The following SVOPL variants were observed in gnomAD, a reference collection of about 807,000 sequenced individuals.
SVOPL encodes putative transporter SVOPL.
A neutral mutation model predicts 61.0 loss-of-function variants in SVOPL; 60 were observed. That is an observed-to-expected ratio of 0.98 (90% CI 0.80 to 1.22). The LOEUF is 1.22. SVOPL is among the 50% of genes most tolerant of loss of function. The pLI, the probability that SVOPL is intolerant of heterozygous loss-of-function variation, is 0.00. For synonymous variants in SVOPL, 279 were observed against 250.0 expected, an observed-to-expected ratio of 1.12 and a Z score of -1.09; for missense variants, 662 against 643.9, an observed-to-expected ratio of 1.03 and a Z score of -0.30.
At chr7:138,596,984 CAG>C in intron 14 of SVOPL, 1 of 1,134,150 alleles carries the variant, frequency 8.8e-7, no homozygotes, top group Non-Finnish European at 1.1e-6. Flanking sequence ...GGTGTTATCT[CAG>C]AGTCTCTGAA....
chr7:138,662,620 T>A (rs1261891373), intron 5 of SVOPL: 6 of 990,096 alleles, frequency 6.1e-6, no homozygotes, highest in South Asian at 4.6e-5. Context: ...TATTAACTCA[T>A]TAGAAGCGAA....
intron 12 of SVOPL, among the ~76,000 whole-genome samples, chr7:138,626,358 G>C (rs534578717): frequency 6.6e-6 from 1 of 152,082 alleles, no homozygotes; most frequent in Non-Finnish European, 1.5e-5. Context: ...CAGCTAGATC[G>C]CTTGAGGCCA....
intron 1 of SVOPL, among the ~76,000 whole-genome samples, chr7:138,686,756 G>T (rs112649790): frequency 0.036 from 5,424 of 151,968 alleles, 105 homozygotes; most frequent in Middle Eastern, 0.082. Flanking sequence ...TAGAGACGGG[G>T]TTTCTCTGTG....
intron 9 of SVOPL, among the ~76,000 whole-genome samples, chr7:138,633,037 C>G (rs901146943): frequency 6.6e-6 from 1 of 152,088 alleles, no homozygotes; most frequent in African/African-American, 2.4e-5. Context: ...ATCATAGTTG[C>G]CTAGCAACTA....
chr7:138,684,590 C>T (rs949321412), intron 1 of SVOPL, among the ~76,000 whole-genome samples: 2 of 152,044 alleles, frequency 1.3e-5, no homozygotes, highest in African/African-American at 2.4e-5. Flanking sequence ...GTTAGGACGG[C>T]GATTATCAAA....
chr7:138,603,997 C>T lies in SVOPL; in HGVS notation c.1354-7467G>A, dbSNP rs1309740614. ...TTTTTTTCATTGAGACAGCGTCTCACTCTGTTGCCCAAGCTGAGTGCAGTG... is the reference window on the plus strand; with the variant it reads ...TTTTTTTCATTGAGACAGCGTCTCATTCTGTTGCCCAAGCTGAGTGCAGTG... On this transcript the variant is annotated intron_variant, in intron 14 of 15. Coordinates refer to ENST00000674285, the MANE Select transcript of SVOPL (RefSeq NM_001139456.2). Among the ~76,000 whole-genome samples the T allele has an allele frequency of 3.7e-5, 5 of 136,402 alleles. No homozygotes were observed. The Admixed American group carries it at 3.9e-4, about 11-fold the overall frequency. The allele number at this position is 136,402 out of a possible 152,430, so 89.5% of individuals were successfully genotyped here.
chr7:138,649,870 C>T (rs112562847), intron 7 of SVOPL, among the ~76,000 whole-genome samples: 1 of 152,112 alleles, frequency 6.6e-6, no homozygotes, highest in Non-Finnish European at 1.5e-5. Context: ...CTTGCTCTGT[C>T]GCCCAGACTG....
chr7:138,672,166 A>C (rs1338274188), intron 3 of SVOPL, 49 bp from the exon 4 acceptor site: 1 of 1,506,020 alleles, frequency 6.6e-7, no homozygotes, highest in Non-Finnish European at 9.0e-7. Context: ...GCTTGTCATC[A>C]CTTCTTCTCA....
intron 14 of SVOPL, among the ~76,000 whole-genome samples, chr7:138,606,716 G>C (rs1262315164): frequency 6.6e-6 from 1 of 152,150 alleles, no homozygotes; most frequent in Admixed American, 6.5e-5. Flanking sequence ...CACTTTGGGA[G>C]GCGGAGGCAG....
At chr7:138,605,087 C>A (rs1301554737) in intron 14 of SVOPL, among the ~76,000 whole-genome samples, 1 of 150,590 alleles carries the variant, frequency 6.6e-6, no homozygotes, top group African/African-American at 2.4e-5. Context: ...AAAATAATCG[C>A]TAATGTAGAG....
chr7:138,694,029 G>A (rs932952715), intron 1 of SVOPL, among the ~76,000 whole-genome samples: 2 of 152,116 alleles, frequency 1.3e-5, no homozygotes, highest in African/African-American at 4.8e-5. Context: ...TGTCAGATTT[G>A]CAAGAATTTA....
Position 138,627,376 on chromosome 7 carries a change from G to C in SVOPL, c.1155C>G (p.Phe385Leu). ...TTGAAGTGCAAATGTTGAGGAGAAG[G>C]AAGAATAAAGCCGTGCATCCCATGG... is the stretch of plus-strand genomic sequence containing the variant. ...SITMGCTALF[F>L]LLLNICTSSA... The change falls in exon 12 of 16, where the codon TTC (phenylalanine) becomes TTG (leucine). Residue 385 changes from phenylalanine (F) to leucine (L), a missense_variant. Coordinates refer to ENST00000674285, the MANE Select transcript of SVOPL (RefSeq NM_001139456.2). 1 of 1,613,352 alleles carries C rather than the reference G, an allele frequency of 6.2e-7. No individual in the cohort carries two copies. Among genetic ancestry groups the C allele is most frequent in the Non-Finnish European group, 8.5e-7 (1 of 1,179,296 alleles).
At chr7:138,664,536 A>C (rs1584854962) in intron 4 of SVOPL, among the ~76,000 whole-genome samples, 1 of 106,730 alleles carries the variant, frequency 9.4e-6, no homozygotes, top group African/African-American at 3.7e-5. Flanking sequence ...ACCCTCGAGC[A>C]CCCCTAATCC....
At chr7:138,654,882 TTTTAA>T (rs1801642241) in intron 7 of SVOPL, among the ~76,000 whole-genome samples, 1 of 140,804 alleles carries the variant, frequency 7.1e-6, no homozygotes, top group African/African-American at 2.8e-5. Flanking sequence ...TTTTTTTTTT[TTTTAA>T]AAAAAAAAAG....
rs765961258 is a variant in SVOPL, at chr7:138,627,470, C to T, written c.1070-9G>A. The T allele has an allele frequency of 6.2e-7, 1 of 1,600,974 alleles. No individual in the cohort carries two copies. The highest frequency in any genetic ancestry group is 8.6e-7 in the Non-Finnish European group (1 of 1,168,444). Reference sequence around the variant, plus strand: ...TATATTTAAAGGATTCACTAGAAAGCAAACAGTAAAGATAATTTCTGGAAC... The same window carrying T: ...TATATTTAAAGGATTCACTAGAAAGTAAACAGTAAAGATAATTTCTGGAAC... On this transcript the variant is annotated splice_polypyrimidine_tract_variant and intron_variant, in intron 11 of 15. Transcript: ENST00000674285.
At chr7:138,625,885 C>G (rs1265709911) in intron 13 of SVOPL, 84 bp downstream of exon 13, 1 of 1,308,964 alleles carries the variant, frequency 7.6e-7, no homozygotes, top group Non-Finnish European at 1.1e-6. Flanking sequence ...TCAACAGAAG[C>G]CAGGCATGCA....
intron 5 of SVOPL, chr7:138,662,126 C>T (rs1289427297): frequency 4.2e-5 from 41 of 985,458 alleles, no homozygotes; most frequent in Non-Finnish European, 4.8e-5. Context: ...CATGGGCTTC[C>T]ATTTCTGTCC....
chr7:138,620,128 T>TG lies in SVOPL; in HGVS notation c.1353+917_1353+918insC, dbSNP rs1281853902. Among the ~76,000 whole-genome samples, 121 of 144,844 alleles carry TG rather than the reference T, an allele frequency of 8.4e-4. 1 individual carries two copies. Among genetic ancestry groups the TG allele is most frequent in the Non-Finnish European group, 1.3e-3 (87 of 66,010 alleles). On this transcript the variant is annotated intron_variant, in intron 14 of 15. Transcript: ENST00000674285. ...TTTTTGTTTTTTTTCTGTTTTGTTTTTTTTTTTTTTTTGAGATAGAGTCTC... is the reference window on the plus strand; with the variant it reads ...TTTTTGTTTTTTTTCTGTTTTGTTTTGTTTTTTTTTTTTGAGATAGAGTCTC...
intron 1 of SVOPL, among the ~76,000 whole-genome samples, chr7:138,690,027 C>A (rs955125617): frequency 1.3e-5 from 2 of 151,974 alleles, no homozygotes; most frequent in Non-Finnish European, 1.5e-5. Flanking sequence ...AGCCAAGGAA[C>A]CCCAAGGGGT....
Sources: gnomAD v4.1 joint callset for allele counts (sites outside exome capture counted in the v4.1 genomes callset) on GRCh38, gnomAD v4.1.1 for gene constraint, MANE v1.5 for transcripts, NCBI Gene and HGNC (gene_info 2026-07-23, HGNC 2026-07-21) for gene names.